Variants in PDE1A observed in about 807,000 individuals in gnomAD.
PDE1A encodes dual specificity calcium/calmodulin-dependent 3',5'-cyclic nucleotide phosphodiesterase 1A.
A neutral mutation model predicts 61.7 loss-of-function variants in PDE1A; 35 were observed. The observed-to-expected ratio is 0.57, with a 90% confidence interval of 0.43 to 0.75. PDE1A has a LOEUF of 0.75. PDE1A is among the 30% of genes least tolerant of loss of function. The probability of loss-of-function intolerance (pLI) is 0.00; values close to 1 mark genes in which losing one functional copy is unlikely to be tolerated. For synonymous variants in PDE1A, 232 were observed against 213.2 expected (o/e 1.09, Z -0.77); for missense variants, 597 against 630.6 (o/e 0.95, Z 0.57).
At chr2:182,239,544 C>A (rs1265920813) in intron 3 of PDE1A, among the ~76,000 whole-genome samples, 2 of 151,894 alleles carry the variant, frequency 1.3e-5, no homozygotes, top group Admixed American at 6.6e-5. Context: ...ATTGAAAACT[C>A]TGATGATATA....
At chr2:182,701,059 G>A in the PDE1A span, among the ~76,000 whole-genome samples, 1 of 151,868 alleles carries the variant, frequency 6.6e-6, no homozygotes, top group African/African-American at 2.4e-5. Flanking sequence ...TTTTGAGATG[G>A]AGTCTTGCTC....
Position 182,240,214 on chromosome 2 carries a change from A to G in PDE1A, c.246T>C (p.Ala82=), listed in dbSNP as rs888080978. 3 of 1,613,874 alleles carry G rather than the reference A, an allele frequency of 1.9e-6. No homozygotes were observed. In the African/African-American group the frequency reaches 4.0e-5, roughly 22 times the overall value. The stretch of plus-strand genomic sequence containing the variant: ...TCCCCATTTTCCGTGTAAAGGTAGA[A>G]GCCAACCAGTCCCGGACTTCAGATG... The change falls in exon 3 of 14, where the codon GCT becomes GCC. Residue 82 remains alanine, a synonymous_variant. Transcript: ENST00000351439.
chr2:182,499,114 A>C (rs1231211946), intron 2 of PDE1A, among the ~76,000 whole-genome samples: 1 of 149,244 alleles, frequency 6.7e-6, no homozygotes, highest in Non-Finnish European at 1.5e-5. Context: ...CAGCCTTCCA[A>C]GTAGCTGGGA....
At chr2:182,372,877 G>A (rs1228211825) in intron 1 of PDE1A, among the ~76,000 whole-genome samples, 4 of 152,146 alleles carry the variant, frequency 2.6e-5, no homozygotes, top group Non-Finnish European at 5.9e-5. Context: ...CCTGTACAGA[G>A]GGACAGGCTG....
At chr2:182,580,096 C>T in the PDE1A span, among the ~76,000 whole-genome samples, 1 of 152,156 alleles carries the variant, frequency 6.6e-6, no homozygotes, top group South Asian at 2.1e-4. Context: ...ATTTGAATTT[C>T]CTAAATTTGC....
intron 13 of PDE1A, among the ~76,000 whole-genome samples, chr2:182,171,217 G>A (rs576532313): frequency 6.3e-4 from 96 of 152,022 alleles, no homozygotes; most frequent in African/African-American, 2.2e-3. Context: ...GTAGGTCATA[G>A]GTACAGTGAT....
chr2:182,448,896 A>G (rs1176361404), intron 2 of PDE1A, among the ~76,000 whole-genome samples: 2 of 152,084 alleles, frequency 1.3e-5, no homozygotes, highest in Non-Finnish European at 2.9e-5. Context: ...GGGGAAACTG[A>G]GACCACAAGA....
chr2:182,705,663 G>A, the PDE1A span, among the ~76,000 whole-genome samples: 273 of 152,166 alleles, frequency 1.8e-3, 2 homozygotes, highest in African/African-American at 6.2e-3. Flanking sequence ...ACAGGCATGC[G>A]CCACCAAGCC....
Position 182,192,942 on chromosome 2 carries a change from T to C in PDE1A, c.1126-3882A>G, listed in dbSNP as rs192343792. On this transcript the variant is annotated intron_variant, in intron 10 of 13. Transcript: ENST00000351439. ...CTTTTTGTTGTTGTTGTTTGTTTTT[T>C]GCATTTCTCTGAAACCAAAAAAATT... Among the ~76,000 whole-genome samples the C allele has an allele frequency of 2.7e-3, 407 of 152,242 alleles. 1 individual carries two copies. Among genetic ancestry groups the C allele is most frequent in the African/African-American group, 9.6e-3 (398 of 41,544 alleles).
At chr2:182,178,280 G>A (rs1193595283) in intron 13 of PDE1A, among the ~76,000 whole-genome samples, 1 of 152,074 alleles carries the variant, frequency 6.6e-6, no homozygotes, top group Non-Finnish European at 1.5e-5. Flanking sequence ...TTCCAGAGGA[G>A]ATCCAGGTTT....
chr2:182,549,883 T>C, the PDE1A span, among the ~76,000 whole-genome samples: 3 of 152,330 alleles, frequency 2.0e-5, no homozygotes, highest in East Asian at 3.9e-4. Context: ...TTAAGGTAAA[T>C]TGATATACAA....
At chr2:182,275,597 G>T (rs1693349823) in intron 1 of PDE1A, among the ~76,000 whole-genome samples, 1 of 152,060 alleles carries the variant, frequency 6.6e-6, no homozygotes, top group Non-Finnish European at 1.5e-5. Flanking sequence ...CTAGAATAAG[G>T]TATTTAGTTC....
chr2:182,552,682 G>A, the PDE1A span, among the ~76,000 whole-genome samples: 1 of 152,102 alleles, frequency 6.6e-6, no homozygotes, highest in Non-Finnish European at 1.5e-5. Flanking sequence ...GCAAAAACAG[G>A]AGGTAAAGAA....
chr2:182,626,738 CATAT>C, the PDE1A span, among the ~76,000 whole-genome samples: 104 of 13,956 alleles, frequency 7.5e-3, 13 homozygotes, highest in South Asian at 0.1. Flanking sequence ...TATATATATA[CATAT>C]ATATACATAT....
intron 1 of PDE1A, chr2:182,522,532 T>C: frequency 4.8e-6 from 7 of 1,446,100 alleles, no homozygotes; most frequent in Non-Finnish European, 6.4e-6. Flanking sequence ...CTGACAGATT[T>C]GCTATTGACT....
chr2:182,387,537 G>A (rs2125364259), intron 1 of PDE1A, among the ~76,000 whole-genome samples: 1 of 152,188 alleles, frequency 6.6e-6, no homozygotes, highest in Non-Finnish European at 1.5e-5. Context: ...GTGGGCAGAT[G>A]TCCTTAGGTC....
chr2:182,508,961 TA>T (rs113639106), intron 2 of PDE1A, among the ~76,000 whole-genome samples: 54 of 116,404 alleles, frequency 4.6e-4, no homozygotes, highest in African/African-American at 5.2e-4. Flanking sequence ...CCCTCCCCCC[TA>T]CCCCCAGCCC....
chr2:182,315,975 C>T (rs1696315146), intron 1 of PDE1A, among the ~76,000 whole-genome samples: 1 of 152,166 alleles, frequency 6.6e-6, no homozygotes, highest in Admixed American at 6.5e-5. Context: ...AGTGGCTTTA[C>T]AAGCAATAAA....
intron 2 of PDE1A, among the ~76,000 whole-genome samples, chr2:182,509,819 A>G (rs142523847): frequency 3.9e-5 from 6 of 152,338 alleles, no homozygotes; most frequent in African/African-American, 1.4e-4. Flanking sequence ...AATACAGCTT[A>G]TTTTGAACCA....
Sources: allele counts gnomAD v4.1 joint callset (sites outside exome capture counted in the v4.1 genomes callset), GRCh38; gene constraint gnomAD v4.1.1; transcripts MANE v1.5; gene names NCBI Gene and HGNC (gene_info 2026-07-23, HGNC 2026-07-21).